REC114: variants seen among roughly 807,000 people sequenced by gnomAD.
The protein encoded by REC114 is meiotic recombination protein REC114.
REC114 carries 27 observed loss-of-function variants against 31.3 expected under a neutral mutation model. That is an observed-to-expected ratio of 0.86 (90% CI 0.64 to 1.19). REC114 has a LOEUF of 1.19. REC114 is among the 50% of genes most tolerant of loss of function. The probability of loss-of-function intolerance (pLI) is 0.00; values close to 1 mark genes in which losing one functional copy is unlikely to be tolerated. For synonymous variants in REC114, 134 were observed against 127.7 expected, an observed-to-expected ratio of 1.05 and a Z score of -0.33; for missense variants, 344 against 326.9, an observed-to-expected ratio of 1.05 and a Z score of -0.40.
chr15:73,482,318 G>T (rs1893306161), intron 2 of REC114, among the ~76,000 whole-genome samples: 1 of 152,120 alleles, frequency 6.6e-6, no homozygotes, highest in Admixed American at 6.6e-5. Flanking sequence ...TTCTTGCTCT[G>T]AGTTCATGCA....
At chr15:73,469,846 G>A (rs1040890377) in intron 1 of REC114, among the ~76,000 whole-genome samples, 5 of 151,932 alleles carry the variant, frequency 3.3e-5, no homozygotes, top group East Asian at 1.9e-4. Flanking sequence ...CACCATGCCC[G>A]GCTAATTTTT....
At chr15:73,524,227 T>C (rs1186891112) in intron 2 of REC114, among the ~76,000 whole-genome samples, 1 of 152,184 alleles carries the variant, frequency 6.6e-6, no homozygotes, top group Non-Finnish European at 1.5e-5. Context: ...ACATTTATGG[T>C]GAAGCTTGGA....
intron 2 of REC114, among the ~76,000 whole-genome samples, chr15:73,491,833 G>A (rs1055827482): frequency 6.6e-6 from 1 of 152,100 alleles, no homozygotes; most frequent in African/African-American, 2.4e-5. Flanking sequence ...CTGGGAGGCG[G>A]AGGTTGCAGT....
At chr15:73,501,275 T>A (rs568963113) in intron 2 of REC114, among the ~76,000 whole-genome samples, 213 of 152,314 alleles carry the variant, frequency 1.4e-3, no homozygotes, top group Middle Eastern at 3.4e-3. Context: ...TTTTATTACA[T>A]GTAGTGTGGA....
In REC114 at chr15:73,456,156, T is replaced by C. The variant is rs549003265; in HGVS notation, c.159+12812T>C. Among the ~76,000 whole-genome samples, 3 of 152,320 alleles carry C rather than the reference T, an allele frequency of 2.0e-5. No individual in the cohort carries two copies. The East Asian group carries it at 5.8e-4, about 29-fold the overall frequency. On this transcript the variant is annotated intron_variant, in intron 1 of 5. Coordinates refer to ENST00000331090, the MANE Select transcript of REC114 (RefSeq NM_001042367.2). ...TGTTGGCTCAGCCTTTCTGAAAAGATATAATAACAGATTGGTCCATTTTAT... is the reference window on the plus strand; with the variant it reads ...TGTTGGCTCAGCCTTTCTGAAAAGACATAATAACAGATTGGTCCATTTTAT...
At chr15:73,545,866 T>C (rs1894301455) in intron 3 of REC114, among the ~76,000 whole-genome samples, 1 of 152,202 alleles carries the variant, frequency 6.6e-6, no homozygotes, top group African/African-American at 2.4e-5. Context: ...TAATAGCTAA[T>C]ATAAGGGTAC....
intron 1 of REC114, among the ~76,000 whole-genome samples, chr15:73,469,506 A>G (rs1893104845): frequency 6.6e-6 from 1 of 151,848 alleles, no homozygotes; most frequent in Admixed American, 6.6e-5. Context: ...CATAGCTTAC[A>G]GCAGCCTCGA....
intron 2 of REC114, among the ~76,000 whole-genome samples, chr15:73,507,039 A>T (rs1360448701): frequency 6.6e-6 from 1 of 152,176 alleles, no homozygotes; most frequent in East Asian, 1.9e-4. Flanking sequence ...AAAAATTCAA[A>T]ACTTTCTGCA....
At chr15:73,542,654 A>G (rs1301424672) in intron 3 of REC114, among the ~76,000 whole-genome samples, 1 of 152,218 alleles carries the variant, frequency 6.6e-6, no homozygotes, top group Non-Finnish European at 1.5e-5. Flanking sequence ...TGAGCGTTTG[A>G]CATTTCCAGC....
intron 2 of REC114, among the ~76,000 whole-genome samples, chr15:73,519,914 A>G (rs775575487): frequency 1.6e-4 from 25 of 152,250 alleles, no homozygotes; most frequent in East Asian, 3.8e-4. Flanking sequence ...TGAGATGTCT[A>G]AAGTAGCGAA....
intron 1 of REC114, among the ~76,000 whole-genome samples, chr15:73,459,279 G>C (rs1044745962): frequency 2.6e-5 from 4 of 151,200 alleles, no homozygotes; most frequent in African/African-American, 9.7e-5. Context: ...ACTCAGACTG[G>C]AGTACAGTGG....
intron 2 of REC114, among the ~76,000 whole-genome samples, chr15:73,510,268 C>T (rs1018678593): frequency 5.9e-5 from 9 of 152,264 alleles, no homozygotes; most frequent in Middle Eastern, 3.4e-3. Flanking sequence ...TATAAGAATG[C>T]TTGTGATTTT....
Position 73,462,884 on chromosome 15 carries a change from C to CAAAAAAAAAAAAAA in REC114, c.160-10938_160-10925dup, listed in dbSNP as rs769569268. Among the ~76,000 whole-genome samples the CAAAAAAAAAAAAAA allele has an allele frequency of 3.4e-3, 190 of 55,636 alleles. 15 individuals are homozygous for CAAAAAAAAAAAAAA. Among genetic ancestry groups the CAAAAAAAAAAAAAA allele is most frequent in the African/African-American group, 0.012 (174 of 14,176 alleles). The allele number at this position is 55,636 out of a possible 152,430, so 36.5% of individuals were successfully genotyped here. A position where few individuals can be genotyped will look rare whatever the true frequency, so the allele number is the denominator to read the frequency against. On this transcript the variant is annotated intron_variant, in intron 1 of 5. Coordinates refer to ENST00000331090, the MANE Select transcript of REC114 (RefSeq NM_001042367.2). ...TGGGCAACAGAGTGAGACTCCGTCTCAAAAAAAAAAAAAAAAAAAAAAATT... is the reference window on the plus strand; with the variant it reads ...TGGGCAACAGAGTGAGACTCCGTCTCAAAAAAAAAAAAAAAAAAAAAAAAAAAAAAAAAAAAATT...
intron 1 of REC114, among the ~76,000 whole-genome samples, chr15:73,457,032 T>A (rs1892923884): frequency 2.0e-5 from 3 of 151,502 alleles, no homozygotes; most frequent in African/African-American, 7.3e-5. Context: ...CTTTGTTGGG[T>A]ACAGGGTATC....
chr15:73,476,964 A>C (rs568335888), intron 2 of REC114, among the ~76,000 whole-genome samples: 2 of 152,340 alleles, frequency 1.3e-5, no homozygotes, highest in East Asian at 3.9e-4. Context: ...TGTTTTCCAA[A>C]GTTGCATTCT....
intron 2 of REC114, chr15:73,483,327 T>G (rs1893320962): frequency 6.5e-6 from 1 of 154,900 alleles, no homozygotes; most frequent in South Asian, 1.8e-4. Context: ...CTTCAGCTTT[T>G]GAGTCTCTTG....
intron 2 of REC114, among the ~76,000 whole-genome samples, chr15:73,490,135 GT>G (rs1377461647): frequency 2.6e-5 from 4 of 152,194 alleles, no homozygotes; most frequent in African/African-American, 9.7e-5. Context: ...TTAAGAGAAT[GT>G]TTATAAGCAT....
chr15:73,506,160 A>G (rs1436910299), intron 2 of REC114, among the ~76,000 whole-genome samples: 1 of 152,216 alleles, frequency 6.6e-6, no homozygotes, highest in East Asian at 1.9e-4. Flanking sequence ...GAAAGGTTAA[A>G]AAAAGCTTTG....
intron 1 of REC114, among the ~76,000 whole-genome samples, chr15:73,467,051 G>T (rs1893071569): frequency 6.6e-6 from 1 of 152,212 alleles, no homozygotes; most frequent in Non-Finnish European, 1.5e-5. Context: ...ACAAGTGTAT[G>T]TGCCTAAGTT....
Sources: allele counts gnomAD v4.1 joint callset (sites outside exome capture counted in the v4.1 genomes callset), GRCh38; gene constraint gnomAD v4.1.1; transcripts MANE v1.5; gene names NCBI Gene and HGNC (gene_info 2026-07-23, HGNC 2026-07-21).